The following CYTH1 variants were observed in gnomAD, a reference collection of about 807,000 sequenced individuals.
CYTH1 encodes the protein cytohesin-1.
A neutral mutation model predicts 61.8 loss-of-function variants in CYTH1; 18 were observed. The ratio of observed to expected loss-of-function variants is 0.29; its 90% CI spans 0.20 to 0.43. The LOEUF (loss-of-function observed/expected upper bound fraction) is 0.43, where lower values mean the gene tolerates loss of function less well. Ranked by LOEUF, CYTH1 falls within the 20% of genes least tolerant of loss-of-function variation. The probability of loss-of-function intolerance (pLI) is 1.00; values close to 1 mark genes in which losing one functional copy is unlikely to be tolerated. For missense variants in CYTH1, 336 were observed against 510.5 expected (o/e 0.66, Z 3.29); for synonymous variants, 174 against 184.3 (o/e 0.94, Z 0.45).
intron 1 of CYTH1, among the ~76,000 whole-genome samples, chr17:78,772,248 G>C (rs527399483): frequency 1.3e-5 from 2 of 152,118 alleles, no homozygotes; most frequent in African/African-American, 2.4e-5. Flanking sequence ...GACTCGACAC[G>C]GCTCTCAAGT....
chr17:78,709,448 G>C lies in CYTH1; in HGVS notation c.105+202C>G, dbSNP rs2093104583. Reference sequence around the variant, plus strand: ...CGACCAACTGGGTGAACCTGGACAAGCCACTCAACCTCTCTGACACTGCAT... The same window carrying C: ...CGACCAACTGGGTGAACCTGGACAACCCACTCAACCTCTCTGACACTGCAT... On this transcript the variant is annotated intron_variant, in intron 2 of 13. Coordinates refer to ENST00000446868, the MANE Select transcript of CYTH1 (RefSeq NM_004762.6). 4 of 550,238 alleles carry C rather than the reference G, an allele frequency of 7.3e-6. No individual in the cohort carries two copies. In the South Asian group the frequency reaches 1.0e-4, roughly 14 times the overall value. 34.1% of individuals were successfully genotyped at this position (550,238 alleles called of 1,614,324 possible).
At chr17:78,758,805 C>T (rs776595532) in intron 1 of CYTH1, among the ~76,000 whole-genome samples, 5 of 152,214 alleles carry the variant, frequency 3.3e-5, no homozygotes, top group Non-Finnish European at 7.3e-5. Flanking sequence ...CCAATTCATG[C>T]ATAGACATCA....
chr17:78,770,676 G>A (rs2093467906), intron 1 of CYTH1, among the ~76,000 whole-genome samples: 6 of 152,096 alleles, frequency 3.9e-5, no homozygotes, highest in Admixed American at 3.9e-4. Context: ...CTCGGCCTGG[G>A]ATTACAGGTG....
At chr17:78,725,655 G>A (rs969546619) in intron 1 of CYTH1, among the ~76,000 whole-genome samples, 2 of 152,170 alleles carry the variant, frequency 1.3e-5, no homozygotes, top group East Asian at 3.8e-4. Flanking sequence ...AACATGGCCA[G>A]CTTCCACTAC....
intron 1 of CYTH1, among the ~76,000 whole-genome samples, chr17:78,751,384 C>T (rs2093379712): frequency 6.6e-6 from 1 of 152,044 alleles, no homozygotes; most frequent in Admixed American, 6.6e-5. Flanking sequence ...CACATCATGG[C>T]CTCTTGTACT....
chr17:78,741,327 G>C (rs184776102), intron 1 of CYTH1, among the ~76,000 whole-genome samples: 1 of 151,920 alleles, frequency 6.6e-6, no homozygotes, highest in African/African-American at 2.4e-5. Flanking sequence ...TTGAAGCCAG[G>C]AGTTCAAGAC....
At chr17:78,745,059 G>A (rs1309972527) in intron 1 of CYTH1, among the ~76,000 whole-genome samples, 1 of 152,122 alleles carries the variant, frequency 6.6e-6, no homozygotes, top group East Asian at 1.9e-4. Context: ...GTGTGGTTTT[G>A]AGTATGTACA....
intron 1 of CYTH1, among the ~76,000 whole-genome samples, chr17:78,753,150 C>G (rs1264302630): frequency 1.3e-5 from 2 of 152,166 alleles, no homozygotes; most frequent in Non-Finnish European, 2.9e-5. Context: ...CACCCCAGCA[C>G]AGCTAACAGA....
intron 1 of CYTH1, among the ~76,000 whole-genome samples, chr17:78,732,980 G>A (rs982396123): frequency 2.0e-5 from 3 of 149,896 alleles, no homozygotes; most frequent in East Asian, 2.0e-4. Flanking sequence ...CCAGCTACTC[G>A]GGAGCCTGAG....
chr17:78,723,083 A>G (rs2093242576), intron 1 of CYTH1: 1 of 152,494 alleles, frequency 6.6e-6, no homozygotes, highest in Admixed American at 6.5e-5. Flanking sequence ...CAAAGGACAG[A>G]CATGCAGAGA....
intron 13 of CYTH1, 97 bp downstream of exon 13, chr17:78,680,093 G>C: frequency 6.7e-7 from 1 of 1,484,722 alleles, no homozygotes; most frequent in Non-Finnish European, 9.1e-7. Flanking sequence ...GAGCACAGAA[G>C]AGATGCGGGC....
At chr17:78,749,132 TG>T (rs1350569858) in intron 1 of CYTH1, among the ~76,000 whole-genome samples, 9 of 152,178 alleles carry the variant, frequency 5.9e-5, no homozygotes, top group Non-Finnish European at 1.2e-4. Context: ...CCAGGCATAG[TG>T]GCTCAGACCT....
At chr17:78,699,647 T>C (rs1451858643) in intron 7 of CYTH1, among the ~76,000 whole-genome samples, 1 of 152,232 alleles carries the variant, frequency 6.6e-6, no homozygotes, top group Non-Finnish European at 1.5e-5. Context: ...AATATGACTA[T>C]GTATAACTCA....
intron 1 of CYTH1, among the ~76,000 whole-genome samples, chr17:78,729,751 C>A (rs1435334902): frequency 2.0e-5 from 3 of 152,204 alleles, no homozygotes; most frequent in Admixed American, 2.0e-4. Flanking sequence ...ATGAAAAGAT[C>A]TCTAAGACAC....
rs372919714 is a variant in CYTH1, at chr17:78,730,175, C to A, written c.23-20443G>T. ...AATTCTGTGACTCAGAATCCCAATT[C>A]TTCACAGAAAACACAAAGGGAAAGA... On this transcript the variant is annotated intron_variant, in intron 1 of 13. Coordinates refer to ENST00000446868, the MANE Select transcript of CYTH1 (RefSeq NM_004762.6). Among the ~76,000 whole-genome samples the A allele has an allele frequency of 2.6e-5, 4 of 151,930 alleles. No homozygotes were observed. The East Asian group carries it at 7.7e-4, about 29-fold the overall frequency.
chr17:78,711,061 G>C (rs1252705176), intron 1 of CYTH1, among the ~76,000 whole-genome samples: 6 of 151,972 alleles, frequency 3.9e-5, no homozygotes, highest in Admixed American at 3.9e-4. Context: ...AGGAGACCGA[G>C]ACCATCCTGG....
At chr17:78,749,989 C>G (rs976796003) in intron 1 of CYTH1, among the ~76,000 whole-genome samples, 1 of 152,142 alleles carries the variant, frequency 6.6e-6, no homozygotes, top group Non-Finnish European at 1.5e-5. Flanking sequence ...TTAGCCTGCT[C>G]CCTCTGGGTC....
In CYTH1 at chr17:78,676,142, G is replaced by A. The variant is rs369467879; in HGVS notation, c.1146C>T (p.Tyr382=). ...IKAAISRDPF[Y]EMLAARKKKV... ...TCTTTTTCCGTGCTGCGAGCATTTC[G>A]TAGAAAGGGTCCCTGCTGATGGCTG... The change falls in exon 14 of 14, where the codon TAC becomes TAT. Residue 382 remains tyrosine, a synonymous_variant. Coordinates refer to ENST00000446868, the MANE Select transcript of CYTH1 (RefSeq NM_004762.6). 2.7e-5 allele frequency: 44 copies of A among 1,610,618 alleles called. No homozygotes were observed. The highest frequency in any genetic ancestry group is 3.4e-5 in the Admixed American group (2 of 59,452).
intron 1 of CYTH1, among the ~76,000 whole-genome samples, chr17:78,753,499 T>TAATA (rs67579941): frequency 0.072 from 10,269 of 143,298 alleles, 643 homozygotes; most frequent in East Asian, 0.18. Flanking sequence ...TATCTCTACT[T>TAATA]AATAAATAAA....
Sources: allele counts gnomAD v4.1 joint callset (sites outside exome capture counted in the v4.1 genomes callset), GRCh38; gene constraint gnomAD v4.1.1; transcripts MANE v1.5; gene names NCBI Gene and HGNC (gene_info 2026-07-23, HGNC 2026-07-21).